NTRK3: variants seen among roughly 807,000 people sequenced by gnomAD.
The protein encoded by NTRK3 is NT-3 growth factor receptor.
A neutral mutation model predicts 91.7 loss-of-function variants in NTRK3; 24 were observed. The ratio of observed to expected loss-of-function variants is 0.26; its 90% CI spans 0.19 to 0.37. The LOEUF (loss-of-function observed/expected upper bound fraction) is 0.37. Ranked by LOEUF, NTRK3 falls within the 10% of genes least tolerant of loss-of-function variation. NTRK3 has a pLI of 1.00. For missense variants in NTRK3, 880 were observed against 1,068.9 expected (o/e 0.82, Z 2.46); for synonymous variants, 483 against 404.0 (o/e 1.20, Z -2.34).
chr15:88,077,282 T>C (rs1164942911), intron 13 of NTRK3, among the ~76,000 whole-genome samples: 1 of 152,112 alleles, frequency 6.6e-6, no homozygotes, highest in African/African-American at 2.4e-5. Context: ...ACTTTCTCTG[T>C]TCTCAGCAAC....
At chr15:87,947,234 T>C (rs1439947583) in intron 14 of NTRK3, among the ~76,000 whole-genome samples, 4 of 149,658 alleles carry the variant, frequency 2.7e-5, no homozygotes, top group African/African-American at 9.8e-5. Flanking sequence ...ATGAGGGGGC[T>C]GAAGCTCCAG....
intron 17 of NTRK3, among the ~76,000 whole-genome samples, chr15:87,917,484 G>A (rs145630231): frequency 5.6e-4 from 86 of 152,290 alleles, no homozygotes; most frequent in East Asian, 9.6e-4. Flanking sequence ...CATCTGCTCC[G>A]TTGTTTCTAA....
intron 13 of NTRK3, among the ~76,000 whole-genome samples, chr15:88,065,108 C>T (rs1202805985): frequency 6.6e-6 from 1 of 152,064 alleles, no homozygotes; most frequent in Non-Finnish European, 1.5e-5. Flanking sequence ...TTACAGGCAC[C>T]AATTCAAGCT....
At chr15:88,016,109 T>A (rs1464015289) in intron 14 of NTRK3, among the ~76,000 whole-genome samples, 2 of 152,190 alleles carry the variant, frequency 1.3e-5, no homozygotes, top group African/African-American at 4.8e-5. Flanking sequence ...CATTCATCAC[T>A]TGGGGTGGCA....
intron 13 of NTRK3, among the ~76,000 whole-genome samples, chr15:88,075,562 T>C (rs2047465568): frequency 6.7e-6 from 1 of 149,632 alleles, no homozygotes; most frequent in Non-Finnish European, 1.5e-5. Context: ...TCCCTTCTTA[T>C]AAGTCTCCAA....
chr15:88,184,282 C>T (rs374069724), exon 4 of NTRK3: 12 of 1,614,004 alleles, frequency 7.4e-6, no homozygotes, highest in African/African-American at 4.0e-5. Context: ...GTGAAGACTG[C>T]GCCAGTTCTC....
rs2052366982 is a variant in NTRK3, at chr15:88,241,683, C to G, written c.248+14223G>C. ...CCCTTCAATACCACGTGGAGCTACT[C>G]TCTTCATCTGACCTGCACCTCGCCT... On this transcript the variant is annotated intron_variant, in intron 3 of 18. Transcript: ENST00000394480. The surrounding 1 kb of genome is among the most constrained non-coding windows in gnomAD (Gnocchi z 4.3). 6.6e-6 allele frequency among the ~76,000 whole-genome samples: 1 copy of G among 152,162 alleles called. No individual in the cohort carries two copies. Among genetic ancestry groups the G allele is most frequent in the Non-Finnish European group, 1.5e-5 (1 of 68,012 alleles).
exon 19 of NTRK3, chr15:87,862,429 T>TATAGGGG (rs1374233427): frequency 8.8e-6 from 2 of 227,114 alleles, no homozygotes; most frequent in Non-Finnish European, 1.8e-5. Flanking sequence ...AGGGATAAGA[T>TATAGGGG]ATAGGGGAAA....
intron 5 of NTRK3, among the ~76,000 whole-genome samples, chr15:88,154,529 T>C (rs1028541145): frequency 2.0e-5 from 3 of 152,218 alleles, no homozygotes; most frequent in Non-Finnish European, 4.4e-5. Context: ...TGGGGTGGGG[T>C]TTAAAGCCAT....
chr15:87,932,923 A>AG, intron 16 of NTRK3, 89 bp downstream of exon 16: 2 of 1,283,016 alleles, frequency 1.6e-6, no homozygotes, highest in Middle Eastern at 2.5e-4. Flanking sequence ...AAGTGTTTAG[A>AG]GGGGGTAGTA....
intron 3 of NTRK3, among the ~76,000 whole-genome samples, chr15:88,208,577 A>G (rs2048982124): frequency 6.6e-6 from 1 of 152,144 alleles, no homozygotes; most frequent in Non-Finnish European, 1.5e-5. Context: ...TGAGGCTGCT[A>G]GTCCATAGAA....
chr15:87,879,856 G>T (rs2141461121), intron 18 of NTRK3, among the ~76,000 whole-genome samples: 1 of 152,196 alleles, frequency 6.6e-6, no homozygotes, highest in Admixed American at 6.5e-5. Flanking sequence ...TTGACCATCT[G>T]GTACATCCCT....
intron 7 of NTRK3, among the ~76,000 whole-genome samples, chr15:88,137,150 G>A (rs1468733192): frequency 6.6e-6 from 1 of 152,222 alleles, no homozygotes; most frequent in Non-Finnish European, 1.5e-5. Context: ...GGAATCTGGT[G>A]TGATGAGAAG....
intron 3 of NTRK3, among the ~76,000 whole-genome samples, chr15:88,253,742 T>C (rs1385753178): frequency 6.6e-6 from 1 of 152,090 alleles, no homozygotes; most frequent in Non-Finnish European, 1.5e-5. Flanking sequence ...ATCCAAGTCC[T>C]GAAACAAGAA....
At chr15:87,872,137 T>C (rs912556235) in exon 19 of NTRK3, 1 of 220,592 alleles carries the variant, frequency 4.5e-6, no homozygotes, top group East Asian at 6.6e-5. Flanking sequence ...AAGCAGACAA[T>C]AGACATCTCA....
intron 13 of NTRK3, among the ~76,000 whole-genome samples, chr15:88,122,569 A>G (rs1283261590): frequency 6.6e-6 from 1 of 152,202 alleles, no homozygotes; most frequent in African/African-American, 2.4e-5. Flanking sequence ...ATGCAAATAT[A>G]AGACAAAACA....
At chr15:87,979,953 A>G (rs1002949109) in intron 14 of NTRK3, among the ~76,000 whole-genome samples, 3 of 152,150 alleles carry the variant, frequency 2.0e-5, no homozygotes, top group African/African-American at 7.2e-5. Context: ...CTAAAATTAC[A>G]CAGACCACTT....
chr15:88,249,228 C>T (rs1448401203), intron 3 of NTRK3, among the ~76,000 whole-genome samples: 2 of 152,176 alleles, frequency 1.3e-5, no homozygotes, highest in Admixed American at 1.3e-4. Context: ...TGCTGAGCCC[C>T]AGGTTCCCCA....
intron 14 of NTRK3, among the ~76,000 whole-genome samples, chr15:87,995,707 G>T (rs1286828300): frequency 2.0e-5 from 3 of 152,098 alleles, no homozygotes; most frequent in Non-Finnish European, 2.9e-5. Flanking sequence ...CTAGGGCAGG[G>T]GCCAGCAAGC....
Sources: allele counts gnomAD v4.1 joint callset (sites outside exome capture counted in the v4.1 genomes callset), GRCh38; gene constraint gnomAD v4.1.1; non-coding constraint Gnocchi (gnomAD v3.1); transcripts MANE v1.5; gene names NCBI Gene and HGNC (gene_info 2026-07-23, HGNC 2026-07-21).